The following ATP7A variants were observed in gnomAD, a reference collection of about 807,000 sequenced individuals.
The protein encoded by ATP7A is ATPase copper transporting alpha, also known as copper-transporting ATPase 1.
ATP7A carries 7 observed loss-of-function variants against 83.5 expected under a neutral mutation model. The observed-to-expected ratio is 0.08, with a 90% CI of 0.05 to 0.16. The LOEUF is 0.16. Ranked by LOEUF, ATP7A falls within the 10% of genes least tolerant of loss-of-function variation. The pLI is 1.00. For synonymous variants in ATP7A, 354 were observed against 395.2 expected (o/e 0.90, Z 1.24); for missense variants, 940 against 1,120.8 (o/e 0.84, Z 2.30).
chrX:77,952,019 A>G (rs1168751325), intron 1 of ATP7A, among the ~76,000 whole-genome samples: 4 of 112,038 alleles, frequency 3.6e-5, no homozygotes, highest in Non-Finnish European at 7.5e-5. Flanking sequence ...AAGTTTTTTT[A>G]TGAATAGCTC....
chrX:78,037,854 G>A (rs1557237888), intron 17 of ATP7A, among the ~76,000 whole-genome samples: 1 of 109,517 alleles, frequency 9.1e-6, no homozygotes, highest in African/African-American at 3.3e-5. Context: ...CAATAAATGG[G>A]GTAGGTTCAC....
At chrX:77,976,830 G>C (rs1388191828) in intron 2 of ATP7A, among the ~76,000 whole-genome samples, 1 of 111,681 alleles carries the variant, frequency 9.0e-6, no homozygotes, top group Non-Finnish European at 1.9e-5. Context: ...ACATCCATGT[G>C]ACTACTTAGA....
At chrX:77,946,299 C>CA (rs782508466) in intron 1 of ATP7A, among the ~76,000 whole-genome samples, 865 of 49,149 alleles carry the variant, frequency 0.018, 8 homozygotes, top group Non-Finnish European at 0.022. Flanking sequence ...GACTCTGTCT[C>CA]AAAAAAAAAA....
chrX:78,032,070 C>T (rs952945673), intron 16 of ATP7A, among the ~76,000 whole-genome samples: 5 of 111,952 alleles, frequency 4.5e-5, no homozygotes, highest in African/African-American at 1.3e-4. Flanking sequence ...ATCTGTTAAC[C>T]GTTTTTAATG....
At chrX:77,949,947 C>G (rs1443254420) in intron 1 of ATP7A, among the ~76,000 whole-genome samples, 1 of 111,548 alleles carries the variant, frequency 9.0e-6, no homozygotes, top group Non-Finnish European at 1.9e-5. Context: ...ATAGAGACAA[C>G]AGAAGTCAAT....
chrX:77,992,087 C>T (rs1460666191), intron 4 of ATP7A, among the ~76,000 whole-genome samples: 1 of 102,877 alleles, frequency 9.7e-6, no homozygotes, highest in East Asian at 3.1e-4. Flanking sequence ...TTTTTTGAGA[C>T]GGAATCTTGT....
intron 18 of ATP7A, among the ~76,000 whole-genome samples, chrX:78,039,643 A>T (rs929655995): frequency 8.9e-6 from 1 of 112,082 alleles, no homozygotes. Context: ...CCACAACGTC[A>T]GTTTTAATTT....
intron 6 of ATP7A, among the ~76,000 whole-genome samples, chrX:78,006,617 T>G (rs1261188112): frequency 8.9e-6 from 1 of 111,979 alleles, no homozygotes; most frequent in African/African-American, 3.2e-5. Context: ...ATAAAACTCA[T>G]TAGTAGTCAT....
chrX:77,969,062 T>C (rs2149071820), intron 1 of ATP7A: 2 of 1,212,018 alleles, frequency 1.7e-6, no homozygotes, highest in Non-Finnish European at 2.2e-6. Flanking sequence ...TGCTTGGCAA[T>C]GCCCTGGAGG....
At chrX:77,975,238 A>G (rs782693084) in intron 2 of ATP7A, among the ~76,000 whole-genome samples, 7 of 110,146 alleles carry the variant, frequency 6.4e-5, no homozygotes, top group African/African-American at 2.3e-4. Context: ...ACCCCCTGCC[A>G]CCACCCCTGC....
chrX:78,005,797 G>A, intron 6 of ATP7A, among the ~76,000 whole-genome samples: 1 of 107,893 alleles, frequency 9.3e-6, no homozygotes. Flanking sequence ...TTAATAGATT[G>A]ATGAATTCAG....
chrX:78,040,784 A>C, intron 19 of ATP7A, 51 bp downstream of exon 19: 1 of 1,170,039 alleles, frequency 8.5e-7, no homozygotes, highest in Non-Finnish European at 1.2e-6. Context: ...TACATTTTAT[A>C]TCTTGCCTTC....
chrX:77,997,702 A>C (rs2149087392), intron 4 of ATP7A, among the ~76,000 whole-genome samples: 1 of 110,006 alleles, frequency 9.1e-6, no homozygotes, highest in African/African-American at 3.3e-5. Context: ...AAAACAAAAT[A>C]GCAGAATTTC....
At chrX:78,005,078 C>G (rs1013454842) in intron 6 of ATP7A, among the ~76,000 whole-genome samples, 1 of 110,061 alleles carries the variant, frequency 9.1e-6, no homozygotes, top group Non-Finnish European at 1.9e-5. Flanking sequence ...GAGACATTGC[C>G]TGCCTCCCAA....
At chrX:78,041,425 A>G (rs2078047708) in intron 19 of ATP7A, among the ~76,000 whole-genome samples, 1 of 108,942 alleles carries the variant, frequency 9.2e-6, no homozygotes, top group Non-Finnish European at 1.9e-5. Context: ...ACATGCATAC[A>G]CCACCACGCC....
chrX:78,003,067 T>C lies in ATP7A; in HGVS notation c.1544-6T>C. 8.3e-7 allele frequency: 1 copy of C among 1,206,743 alleles called. No individual in the cohort carries two copies. The highest frequency in any genetic ancestry group is 1.1e-6 in the Non-Finnish European group (1 of 891,125). On this transcript the variant is annotated splice_polypyrimidine_tract_variant and splice_region_variant and intron_variant, in intron 5 of 22. Coordinates refer to ENST00000341514, the MANE Select transcript of ATP7A (RefSeq NM_000052.7). ...TCTGTATTGTTTTTCTTATCAATGC[T>C]CTTAGGAATATATTCTATACTTGTG...
intron 1 of ATP7A, among the ~76,000 whole-genome samples, chrX:77,917,057 G>A (rs2077189129): frequency 8.9e-6 from 1 of 111,888 alleles, no homozygotes; most frequent in African/African-American, 3.2e-5. Flanking sequence ...AGTGAACAGA[G>A]CAGATATGGT....
chrX:78,040,014 G>A (rs902576917), intron 18 of ATP7A, among the ~76,000 whole-genome samples: 1 of 111,358 alleles, frequency 9.0e-6, no homozygotes, highest in South Asian at 3.7e-4. Context: ...ATTTCTAGTT[G>A]TGAGATTAAT....
At chrX:77,955,002 A>G (rs1557227193) in intron 1 of ATP7A, among the ~76,000 whole-genome samples, 1 of 110,985 alleles carries the variant, frequency 9.0e-6, no homozygotes, top group African/African-American at 3.3e-5. Flanking sequence ...TAGGCCTACA[A>G]TGAGTATAGG....
Sources: gnomAD v4.1 joint callset for allele counts (sites outside exome capture counted in the v4.1 genomes callset) on GRCh38, gnomAD v4.1.1 for gene constraint, MANE v1.5 for transcripts, NCBI Gene and HGNC (gene_info 2026-07-23, HGNC 2026-07-21) for gene names.